The following TBXAS1 variants were observed in gnomAD, a reference collection of about 807,000 sequenced individuals.
TBXAS1 encodes thromboxane-A synthase.
Under a neutral mutation model 60.7 loss-of-function variants are expected in TBXAS1, and 48 were observed. That is an observed-to-expected ratio of 0.79 (90% CI 0.63 to 1.01). The LOEUF (loss-of-function observed/expected upper bound fraction) is 1.01. TBXAS1 is among the 50% of genes least tolerant of loss of function. The pLI, the probability that TBXAS1 is intolerant of heterozygous loss-of-function variation, is 0.00. For missense variants in TBXAS1, 685 were observed against 686.3 expected, an observed-to-expected ratio of 1.00 and a Z score of 0.02; for synonymous variants, 287 against 269.7, an observed-to-expected ratio of 1.06 and a Z score of -0.63.
At chr7:139,981,931 G>C (rs1487565497) in intron 9 of TBXAS1, among the ~76,000 whole-genome samples, 1 of 152,202 alleles carries the variant, frequency 6.6e-6, no homozygotes, top group Admixed American at 6.5e-5. Context: ...GACAGATAGT[G>C]AATAAATTAA....
At chr7:139,781,818 C>T (rs1337905303) in intron 2 of TBXAS1, among the ~76,000 whole-genome samples, 1 of 85,864 alleles carries the variant, frequency 1.2e-5, no homozygotes, top group South Asian at 4.4e-4. Context: ...GCCTAGGCAA[C>T]AAGAGCTAAA....
chr7:140,012,660 T>C (rs1055506579), intron 10 of TBXAS1, among the ~76,000 whole-genome samples: 1 of 152,088 alleles, frequency 6.6e-6, no homozygotes, highest in African/African-American at 2.4e-5. Context: ...GGTTTCACCA[T>C]GTTGGCCAGG....
At chr7:139,923,587 C>T (rs117113407) in intron 4 of TBXAS1, among the ~76,000 whole-genome samples, 2,101 of 151,960 alleles carry the variant, frequency 0.014, 27 homozygotes, top group African/African-American at 0.029. Context: ...GGGGAATCCA[C>T]CATCTCAAGC....
chr7:139,836,644 C>T (rs185651474), intron 1 of TBXAS1, among the ~76,000 whole-genome samples: 1 of 152,324 alleles, frequency 6.6e-6, no homozygotes, highest in Admixed American at 6.5e-5. Flanking sequence ...TCTCATTTCT[C>T]ACTTTATTCA....
intron 3 of TBXAS1, among the ~76,000 whole-genome samples, chr7:139,882,331 C>T (rs1802761544): frequency 1.3e-5 from 2 of 152,170 alleles, no homozygotes; most frequent in Non-Finnish European, 2.9e-5. Flanking sequence ...AGGGTGGAAA[C>T]TATTGCTGAT....
Position 139,975,154 on chromosome 7 carries a change from C to A in TBXAS1, c.1134+12921C>A, listed in dbSNP as rs1007530122. On this transcript the variant is annotated intron_variant, in intron 9 of 12. Transcript: ENST00000448866. The surrounding 1 kb of genome is among the most constrained non-coding windows in gnomAD (Gnocchi z 4.4). ...GGCCTTCAACCGATTGGATGAGGCACGCCCATATTATTGAGGATAATCTCC... is the reference window on the plus strand; with the variant it reads ...GGCCTTCAACCGATTGGATGAGGCAAGCCCATATTATTGAGGATAATCTCC... 6.6e-6 allele frequency among the ~76,000 whole-genome samples: 1 copy of A among 152,126 alleles called. No homozygotes were observed. The highest frequency in any genetic ancestry group is 2.4e-5 in the African/African-American group (1 of 41,414).
intron 5 of TBXAS1, among the ~76,000 whole-genome samples, chr7:139,942,886 A>G (rs1447480035): frequency 1.3e-4 from 20 of 152,236 alleles, no homozygotes; most frequent in Non-Finnish European, 8.8e-5. Flanking sequence ...TACTCCCTGT[A>G]GGCATTTCCT....
intron 11 of TBXAS1, 120 bp downstream of exon 11, chr7:140,015,980 AG>A: frequency 7.3e-7 from 1 of 1,367,864 alleles, no homozygotes. Flanking sequence ...AATAGTCAAA[AG>A]TTATGGCAAT....
intron 1 of TBXAS1, among the ~76,000 whole-genome samples, chr7:139,833,940 T>C (rs1798892576): frequency 6.6e-6 from 1 of 152,082 alleles, no homozygotes; most frequent in Non-Finnish European, 1.5e-5. Flanking sequence ...GGATTTAAAC[T>C]ATACCTTGGA....
intron 3 of TBXAS1, among the ~76,000 whole-genome samples, chr7:139,882,212 G>A: frequency 6.6e-6 from 1 of 152,188 alleles, no homozygotes; most frequent in Non-Finnish European, 1.5e-5. Flanking sequence ...AGAACAACGG[G>A]AATTGAAGGG....
At position 140,013,084 on chromosome 7, in the gene TBXAS1, C is replaced by CA. The variant is rs10591254; in HGVS notation, c.1227-2622dup. 0.025 allele frequency among the ~76,000 whole-genome samples: 2,844 copies of CA among 114,422 alleles called. 43 individuals carry two copies. Among genetic ancestry groups the CA allele is most frequent in the Non-Finnish European group, 0.043 (2,174 of 50,288 alleles). The allele number at this position is 114,422 out of a possible 152,430, so 75.1% of individuals were successfully genotyped here. ...TGGGCAACAGAGCGAGACTCCATCT[C>CA]AAAAAAAAAAAAAAAAAGAAATTGG... On this transcript the variant is annotated intron_variant, in intron 10 of 12. Transcript: ENST00000448866. This position sits in a 1 kb window ranked among gnomAD's most constrained non-coding sequence, Gnocchi z 4.2.
chr7:139,963,158 T>C (rs1810506672), intron 9 of TBXAS1: 1 of 152,278 alleles, frequency 6.6e-6, no homozygotes, highest in African/African-American at 2.4e-5. Flanking sequence ...TTCACTGTGT[T>C]ACTAATTAAT....
chr7:139,945,505 C>T (rs910361432), intron 5 of TBXAS1, among the ~76,000 whole-genome samples: 21 of 152,190 alleles, frequency 1.4e-4, no homozygotes, highest in Admixed American at 1.0e-3. Flanking sequence ...TGTCAAGGCT[C>T]TCAAGGAACA....
At chr7:139,942,375 G>A (rs1175053609) in intron 5 of TBXAS1, among the ~76,000 whole-genome samples, 2 of 152,248 alleles carry the variant, frequency 1.3e-5, no homozygotes, top group Non-Finnish European at 2.9e-5. Flanking sequence ...AGGAGAGAAC[G>A]TGGGTTGTTA....
At chr7:139,866,849 A>G (rs1801454616) in intron 1 of TBXAS1, among the ~76,000 whole-genome samples, 1 of 152,188 alleles carries the variant, frequency 6.6e-6, no homozygotes, top group Admixed American at 6.5e-5. Flanking sequence ...GAAAAAAACC[A>G]AGAGAATGAC....
chr7:139,843,861 G>C (rs775901810), intron 1 of TBXAS1, among the ~76,000 whole-genome samples: 7 of 152,180 alleles, frequency 4.6e-5, no homozygotes, highest in Admixed American at 6.5e-5. Flanking sequence ...CCTGTGTATG[G>C]AAGAGGGTAG....
chr7:139,962,173 C>G lies in TBXAS1; in HGVS notation c.1074C>G (p.Ala358=). Residue 358 remains alanine, a synonymous_variant, in exon 9 of 13, where the codon GCC becomes GCG. Coordinates refer to ENST00000448866, the MANE Select transcript of TBXAS1 (RefSeq NM_001061.7). The stretch of plus-strand genomic sequence containing the variant: ...TTTCTTTTGCCACCTACCTACTGGC[C>G]ACCAACCCTGACTGCCAAGAGAAGC... ...NTLSFATYLL[A]TNPDCQEKLL... is the part of the protein sequence containing the mutation. The G allele has an allele frequency of 6.2e-7, 1 of 1,614,184 alleles. No individual in the cohort carries two copies. The highest frequency in any genetic ancestry group is 8.5e-7 in the Non-Finnish European group (1 of 1,180,026).
chr7:139,796,135 A>C (rs1205765657), intron 4 of TBXAS1, among the ~76,000 whole-genome samples: 1 of 152,156 alleles, frequency 6.6e-6, no homozygotes, highest in African/African-American at 2.4e-5. Context: ...CTTTTATATC[A>C]TTTTGCCTAA....
At position 139,852,010 on chromosome 7, in the gene TBXAS1, GC is replaced by G. The variant is rs1800251867; in HGVS notation, c.90-20224del. On this transcript the variant is annotated intron_variant, in intron 1 of 12. Transcript: ENST00000448866. The surrounding 1 kb of genome is among the most constrained non-coding windows in gnomAD (Gnocchi z 4.4). ...TGGATTGCTTACTTTGGGGAAGTCA[GC>G]AGCCATGTTGAGCAGCCCTATAGGG... Among the ~76,000 whole-genome samples, 1 of 152,190 alleles carries G rather than the reference GC, an allele frequency of 6.6e-6. No homozygotes were observed. Among genetic ancestry groups the G allele is most frequent in the Non-Finnish European group, 1.5e-5 (1 of 68,036 alleles).
Sources: gnomAD v4.1 joint callset for allele counts (sites outside exome capture counted in the v4.1 genomes callset) on GRCh38, gnomAD v4.1.1 for gene constraint, Gnocchi (gnomAD v3.1) non-coding constraint, MANE v1.5 for transcripts, NCBI Gene and HGNC (gene_info 2026-07-23, HGNC 2026-07-21) for gene names.